The following ATRNL1 variants were observed in gnomAD, a reference collection of about 807,000 sequenced individuals.
ATRNL1 encodes the protein attractin like 1.
ATRNL1 carries 95 observed loss-of-function variants against 182.7 expected under a neutral mutation model. That is an observed-to-expected ratio of 0.52 (90% CI 0.44 to 0.62). The LOEUF (loss-of-function observed/expected upper bound fraction) is 0.62. Among genes scored for constraint, ATRNL1 ranks in the 20% least tolerant of loss-of-function variants. The probability of loss-of-function intolerance (pLI) is 0.00; values close to 1 mark genes in which losing one functional copy is unlikely to be tolerated. For synonymous variants in ATRNL1, 576 were observed against 568.3 expected, an observed-to-expected ratio of 1.01 and a Z score of -0.19; for missense variants, 1,471 against 1,679.5, an observed-to-expected ratio of 0.88 and a Z score of 2.17.
intron 10 of ATRNL1, among the ~76,000 whole-genome samples, chr10:115,242,233 G>A (rs898898902): frequency 3.3e-5 from 5 of 151,838 alleles, no homozygotes; most frequent in Admixed American, 2.6e-4. Flanking sequence ...ATTTTGAGAC[G>A]AAATGGAAAC....
At chr10:115,457,434 CA>C (rs1312706247) in intron 21 of ATRNL1, among the ~76,000 whole-genome samples, 1 of 152,032 alleles carries the variant, frequency 6.6e-6, no homozygotes, top group African/African-American at 2.4e-5. Flanking sequence ...TTCAATTTTT[CA>C]GGCTTTAGGC....
chr10:115,794,641 AGTG>A (rs1218055511), intron 27 of ATRNL1, among the ~76,000 whole-genome samples: 2 of 152,096 alleles, frequency 1.3e-5, no homozygotes, highest in African/African-American at 4.8e-5. Context: ...TGTAATCTTT[AGTG>A]GTGATATTCA....
chr10:115,500,212 G>C (rs1849754845), intron 24 of ATRNL1, among the ~76,000 whole-genome samples: 1 of 152,136 alleles, frequency 6.6e-6, no homozygotes, highest in African/African-American at 2.4e-5. Context: ...ATTTTCTGAA[G>C]TTTAAGTTGT....
At chr10:115,335,754 A>G (rs1044265828) in intron 19 of ATRNL1, among the ~76,000 whole-genome samples, 3 of 152,228 alleles carry the variant, frequency 2.0e-5, no homozygotes, top group African/African-American at 7.2e-5. Flanking sequence ...TCCTAATACA[A>G]TGCCTATATT....
chr10:115,176,954 C>T (rs563214136), intron 8 of ATRNL1, among the ~76,000 whole-genome samples: 141 of 151,938 alleles, frequency 9.3e-4, no homozygotes, highest in African/African-American at 3.2e-3. Context: ...TTTGGGAGTT[C>T]TTGGGAGTTC....
intron 5 of ATRNL1, among the ~76,000 whole-genome samples, chr10:115,141,425 G>A (rs561122884): frequency 5.9e-5 from 9 of 152,082 alleles, no homozygotes; most frequent in Admixed American, 3.3e-4. Context: ...TCAATCCTTT[G>A]GTTTTAGATT....
chr10:115,344,926 G>A (rs936608398), intron 19 of ATRNL1, among the ~76,000 whole-genome samples: 9 of 152,110 alleles, frequency 5.9e-5, no homozygotes, highest in African/African-American at 1.4e-4. Context: ...TAGAAATGTC[G>A]TCTGGAAGCT....
chr10:115,477,995 G>A (rs369703407), intron 24 of ATRNL1, among the ~76,000 whole-genome samples: 175 of 151,674 alleles, frequency 1.2e-3, no homozygotes, highest in Non-Finnish European at 2.3e-3. Context: ...TTAAGAACAC[G>A]GGTTCTAAGT....
intron 26 of ATRNL1, among the ~76,000 whole-genome samples, chr10:115,671,870 A>T (rs1555041496): frequency 6.6e-6 from 1 of 152,116 alleles, no homozygotes; most frequent in East Asian, 1.9e-4. Context: ...GGGTATTTAG[A>T]GTTATTTTTG....
intron 20 of ATRNL1, among the ~76,000 whole-genome samples, chr10:115,415,415 A>G (rs1472823600): frequency 1.3e-5 from 2 of 151,706 alleles, no homozygotes; most frequent in African/African-American, 4.8e-5. Context: ...TTCTTTATGA[A>G]TTAGGGATTA....
chr10:115,493,963 TG>T (rs541901409), intron 24 of ATRNL1, among the ~76,000 whole-genome samples: 167 of 152,306 alleles, frequency 1.1e-3, no homozygotes, highest in Non-Finnish European at 2.0e-3. Flanking sequence ...AATGGGGTTA[TG>T]TTTTTTTTGG....
intron 28 of ATRNL1, among the ~76,000 whole-genome samples, chr10:115,855,771 T>C (rs1951166273): frequency 6.6e-6 from 1 of 152,194 alleles, no homozygotes; most frequent in African/African-American, 2.4e-5. Flanking sequence ...GTACTTTCAA[T>C]GGATTACATC....
At chr10:115,463,534 T>C (rs1847914592) in intron 22 of ATRNL1, among the ~76,000 whole-genome samples, 1 of 152,092 alleles carries the variant, frequency 6.6e-6, no homozygotes, top group Admixed American at 6.6e-5. Flanking sequence ...ATAACATTTA[T>C]TTAAATAATT....
chr10:115,335,890 A>G (rs1855457978), intron 19 of ATRNL1, among the ~76,000 whole-genome samples: 1 of 152,132 alleles, frequency 6.6e-6, no homozygotes, highest in Admixed American at 6.5e-5. Flanking sequence ...CAGATGTGGA[A>G]CCCATGGGTA....
rs114429206 is a variant in ATRNL1 at position 115,340,776 on chromosome 10, A to G, written c.3175+6357A>G. On this transcript the variant is annotated intron_variant, in intron 19 of 28. Transcript: ENST00000355044. ...CTCGGTAGGTTGTATCTGTGTAGGAATTTTTTATTTCTTCTAGATGTTCCA... is the reference window on the plus strand; with the variant it reads ...CTCGGTAGGTTGTATCTGTGTAGGAGTTTTTTATTTCTTCTAGATGTTCCA... Among the ~76,000 whole-genome samples the G allele has an allele frequency of 4.2e-3, 634 of 151,102 alleles. 4 individuals are homozygous for G. The highest frequency in any genetic ancestry group is 0.014 in the African/African-American group (569 of 41,256).
At chr10:115,536,119 A>G (rs1264012636) in intron 25 of ATRNL1, among the ~76,000 whole-genome samples, 1 of 151,986 alleles carries the variant, frequency 6.6e-6, no homozygotes, top group East Asian at 1.9e-4. Context: ...GCGTGCTGGG[A>G]GAACCACTGC....
intron 26 of ATRNL1, among the ~76,000 whole-genome samples, chr10:115,612,429 T>C (rs568003672): frequency 2.0e-5 from 3 of 152,236 alleles, no homozygotes; most frequent in Non-Finnish European, 4.4e-5. Flanking sequence ...CATTCTATTC[T>C]GGAGTGTGCA....
chr10:115,247,905 G>A (rs782455812), intron 10 of ATRNL1, among the ~76,000 whole-genome samples: 8 of 152,228 alleles, frequency 5.3e-5, no homozygotes, highest in Non-Finnish European at 1.0e-4. Flanking sequence ...TATGTTAAGC[G>A]AAATAAGCCA....
At chr10:115,428,284 C>T (rs1845995531) in intron 21 of ATRNL1, among the ~76,000 whole-genome samples, 1 of 152,042 alleles carries the variant, frequency 6.6e-6, no homozygotes, top group South Asian at 2.1e-4. Context: ...CATTTTACTT[C>T]TACTACCATT....
Sources: gnomAD v4.1 joint callset for allele counts (sites outside exome capture counted in the v4.1 genomes callset) on GRCh38, gnomAD v4.1.1 for gene constraint, MANE v1.5 for transcripts, NCBI Gene and HGNC (gene_info 2026-07-23, HGNC 2026-07-21) for gene names.